Variants in SCHIP1 observed in about 807,000 individuals in gnomAD.
SCHIP1 encodes the protein schwannomin interacting protein 1, also known as schwannomin-interacting protein 1.
A neutral mutation model predicts 29.7 loss-of-function variants in SCHIP1; 8 were observed. The observed-to-expected ratio is 0.27, with a 90% CI of 0.16 to 0.49. The LOEUF (loss-of-function observed/expected upper bound fraction) is 0.49. SCHIP1 is among the 20% of genes least tolerant of loss of function. The pLI is 0.99. For synonymous variants in SCHIP1, 76 were observed against 94.9 expected (o/e 0.80, Z 1.16); for missense variants, 193 against 294.6 (o/e 0.66, Z 2.52).
At chr3:159,891,414 G>T (rs188174113) in intron 5 of SCHIP1, among the ~76,000 whole-genome samples, 1 of 151,282 alleles carries the variant, frequency 6.6e-6, no homozygotes, top group African/African-American at 2.4e-5. Flanking sequence ...GGGAGGAAGG[G>T]AGCGAGGGAG....
the SCHIP1 span, among the ~76,000 whole-genome samples, chr3:159,511,961 A>G: frequency 6.6e-6 from 1 of 152,196 alleles, no homozygotes; most frequent in African/African-American, 2.4e-5. Context: ...ACACACCAAA[A>G]TAACACAAAC....
chr3:159,328,615 G>A, the SCHIP1 span, among the ~76,000 whole-genome samples: 339 of 152,284 alleles, frequency 2.2e-3, 2 homozygotes, highest in African/African-American at 7.7e-3. Flanking sequence ...GAAGGGAGAT[G>A]CAGTGTGGAG....
chr3:159,317,776 G>A, the SCHIP1 span, among the ~76,000 whole-genome samples: 1 of 152,222 alleles, frequency 6.6e-6, no homozygotes. Flanking sequence ...TACTATGACA[G>A]TGGACAAGAT....
the SCHIP1 span, among the ~76,000 whole-genome samples, chr3:159,656,163 G>A: frequency 6.6e-6 from 1 of 152,134 alleles, no homozygotes; most frequent in Admixed American, 6.6e-5. Flanking sequence ...AATTGGAAGG[G>A]GATGGAATTT....
At chr3:159,476,806 A>G in the SCHIP1 span, among the ~76,000 whole-genome samples, 2 of 152,160 alleles carry the variant, frequency 1.3e-5, no homozygotes, top group Admixed American at 6.6e-5. Flanking sequence ...ACCATTTTGT[A>G]TACAGACATT....
chr3:159,732,100 C>G, the SCHIP1 span, among the ~76,000 whole-genome samples: 1 of 152,200 alleles, frequency 6.6e-6, no homozygotes, highest in South Asian at 2.1e-4. Context: ...CCTGCCTTGG[C>G]CTCCCAAAGT....
chr3:159,476,195 T>C, the SCHIP1 span, among the ~76,000 whole-genome samples: 1 of 152,182 alleles, frequency 6.6e-6, no homozygotes, highest in East Asian at 1.9e-4. Flanking sequence ...TTAATGAGGC[T>C]TCAAGGGAGA....
At chr3:159,277,385 G>A in the SCHIP1 span, among the ~76,000 whole-genome samples, 1 of 152,006 alleles carries the variant, frequency 6.6e-6, no homozygotes, top group East Asian at 1.9e-4. Flanking sequence ...ATTTGCTTAT[G>A]TTTCATTTTT....
At chr3:159,542,674 G>C in the SCHIP1 span, among the ~76,000 whole-genome samples, 1 of 151,918 alleles carries the variant, frequency 6.6e-6, no homozygotes, top group Non-Finnish European at 1.5e-5. Flanking sequence ...CCACCTCCAG[G>C]TCCATTCAGC....
chr3:159,407,858 C>T, the SCHIP1 span, among the ~76,000 whole-genome samples: 1 of 152,048 alleles, frequency 6.6e-6, no homozygotes, highest in Non-Finnish European at 1.5e-5. Context: ...ACAAAACATA[C>T]CAAGACCTAT....
the SCHIP1 span, among the ~76,000 whole-genome samples, chr3:159,355,141 T>G: frequency 4.6e-5 from 7 of 152,086 alleles, no homozygotes; most frequent in African/African-American, 1.7e-4. Context: ...TTGCAGACAT[T>G]ACAACAATTC....
At chr3:159,643,616 CA>C in the SCHIP1 span, among the ~76,000 whole-genome samples, 1 of 152,078 alleles carries the variant, frequency 6.6e-6, no homozygotes, top group Non-Finnish European at 1.5e-5. Flanking sequence ...CAAGCTACAA[CA>C]GAAGGTTGTA....
chr3:159,393,727 T>G, the SCHIP1 span, among the ~76,000 whole-genome samples: 1 of 151,024 alleles, frequency 6.6e-6, no homozygotes, highest in Non-Finnish European at 1.5e-5. Context: ...CCTTGTAGTA[T>G]AGTTTGAAGT....
chr3:159,628,285 G>A, the SCHIP1 span, among the ~76,000 whole-genome samples: 2 of 152,184 alleles, frequency 1.3e-5, no homozygotes, highest in Non-Finnish European at 2.9e-5. Flanking sequence ...GTGAGGGTTA[G>A]GGTCGAATTG....
At chr3:159,357,189 T>A in the SCHIP1 span, among the ~76,000 whole-genome samples, 1 of 152,214 alleles carries the variant, frequency 6.6e-6, no homozygotes, top group Non-Finnish European at 1.5e-5. Context: ...TCATCATGTT[T>A]CGCTGTCTAG....
chr3:159,281,424 A>G, the SCHIP1 span, among the ~76,000 whole-genome samples: 1 of 152,236 alleles, frequency 6.6e-6, no homozygotes, highest in East Asian at 1.9e-4. Context: ...ATATGCACAT[A>G]TATTTAAAAA....
At chr3:159,306,953 A>C in the SCHIP1 span, among the ~76,000 whole-genome samples, 7 of 152,354 alleles carry the variant, frequency 4.6e-5, no homozygotes, top group Admixed American at 2.0e-4. Flanking sequence ...TGACAAAATA[A>C]TACTACTCTC....
the SCHIP1 span, among the ~76,000 whole-genome samples, chr3:159,488,101 A>C: frequency 6.6e-6 from 1 of 151,842 alleles, no homozygotes; most frequent in African/African-American, 2.4e-5. Context: ...CAGAAAGACA[A>C]ACTTTACATG....
the SCHIP1 span, among the ~76,000 whole-genome samples, chr3:159,394,904 T>A: frequency 6.6e-6 from 1 of 152,172 alleles, no homozygotes; most frequent in Non-Finnish European, 1.5e-5. Flanking sequence ...CAGTTCCTCC[T>A]TGTACCTCTG....
Sources: allele counts gnomAD v4.1 joint callset (sites outside exome capture counted in the v4.1 genomes callset), GRCh38; gene constraint gnomAD v4.1.1; transcripts MANE v1.5; gene names NCBI Gene and HGNC (gene_info 2026-07-23, HGNC 2026-07-21).